WDR53: variants seen among roughly 807,000 people sequenced by gnomAD.
The protein encoded by WDR53 is WD repeat domain 53, also known as WD repeat-containing protein 53.
In WDR53, 19 loss-of-function variants were observed where a neutral mutation model predicts 21.3. The ratio of observed to expected loss-of-function variants is 0.89; its 90% CI spans 0.62 to 1.31. WDR53 has a LOEUF of 1.31. Among genes scored for constraint, WDR53 ranks in the 50% most tolerant of loss-of-function variants. The pLI is 0.00. For missense variants in WDR53, 374 were observed against 423.2 expected (o/e 0.88, Z 1.02); for synonymous variants, 157 against 163.4 (o/e 0.96, Z 0.30).
chr3:196,560,081 T>A (rs1033020297), intron 3 of WDR53, among the ~76,000 whole-genome samples: 2 of 152,182 alleles, frequency 1.3e-5, no homozygotes, highest in Non-Finnish European at 2.9e-5. Flanking sequence ...CCAAATCTGC[T>A]TTCCCATGAC....
chr3:196,561,164 T>C lies in WDR53; in HGVS notation c.312A>G (p.Gln104=), dbSNP rs755315174. ...CAGCAGAAGCCAGCAGGTTTTCCGTTTGATTCAATGAAAGACAATTGATTT... is the reference window on the plus strand; with the variant it reads ...CAGCAGAAGCCAGCAGGTTTTCCGTCTGATTCAATGAAAGACAATTGATTT... ...EEEINCLSLN[Q]TENLLASADD... is the part of the protein sequence containing the mutation. Residue 104 remains glutamine, a synonymous_variant, in exon 3 of 4, where the codon CAA becomes CAG. Coordinates refer to ENST00000332629, the MANE Select transcript of WDR53 (RefSeq NM_182627.3). 5 of 1,614,236 alleles carry C rather than the reference T, an allele frequency of 3.1e-6. No homozygotes were observed. Among genetic ancestry groups the C allele is most frequent in the Admixed American group, 1.7e-5 (1 of 60,030 alleles).
At chr3:196,563,291 C>T (rs12152396) in intron 2 of WDR53, among the ~76,000 whole-genome samples, 1 of 152,164 alleles carries the variant, frequency 6.6e-6, no homozygotes, top group Admixed American at 6.5e-5. Flanking sequence ...GGAAATGCCA[C>T]ATAATACCGG....
rs544171331 is a variant in WDR53 at position 196,568,533 on chromosome 3, C to T, written c.-462G>A. 2.0e-5 allele frequency: 3 copies of T among 152,590 alleles called. No homozygotes were observed. In the East Asian group the frequency reaches 5.8e-4, roughly 29 times the overall value. 9.5% of individuals were successfully genotyped at this position (152,590 alleles called of 1,614,324 possible). A position where few individuals can be genotyped will look rare whatever the true frequency, so the allele number is the denominator to read the frequency against. On this transcript the variant is annotated 5_prime_UTR_variant, in exon 1 of 4. Coordinates refer to ENST00000332629, the MANE Select transcript of WDR53 (RefSeq NM_182627.3). ...CAGCCTCATACCTGCGCTTCCCGCT[C>T]CCCTCCTCGGCGCCTAGTGATAACC...
chr3:196,556,726 C>G (rs1734354609), intron 3 of WDR53, among the ~76,000 whole-genome samples: 1 of 151,892 alleles, frequency 6.6e-6, no homozygotes, highest in African/African-American at 2.4e-5. Context: ...GCTAGCTTCA[C>G]TGTATTGGCA....
Position 196,560,988 on chromosome 3 carries a change from A to T in WDR53, c.480+8T>A. 4 of 1,604,770 alleles carry T rather than the reference A, an allele frequency of 2.5e-6. No individual in the cohort carries two copies. Among genetic ancestry groups the T allele is most frequent in the Non-Finnish European group, 3.4e-6 (4 of 1,175,346 alleles). ...AAATTCCCCAAGTACTCTGTGCAAA[A>T]GCATCACCTGCATATCCAGTCCACA... is the stretch of plus-strand genomic sequence containing the variant. On this transcript the variant is annotated splice_region_variant and intron_variant, in intron 3 of 3. Transcript: ENST00000332629.
chr3:196,562,089 G>A (rs1027864311), intron 2 of WDR53, among the ~76,000 whole-genome samples: 1 of 152,108 alleles, frequency 6.6e-6, no homozygotes, highest in Non-Finnish European at 1.5e-5. Context: ...TTATTAGGCC[G>A]GTGCAAAGCG....
intron 2 of WDR53, among the ~76,000 whole-genome samples, chr3:196,561,978 A>C (rs562137922): frequency 1.3e-5 from 2 of 152,312 alleles, no homozygotes; most frequent in South Asian, 4.1e-4. Context: ...GATAATAATG[A>C]CACTCATTTC....
chr3:196,555,568 A>G (rs958149790), intron 3 of WDR53, among the ~76,000 whole-genome samples: 3 of 152,150 alleles, frequency 2.0e-5, no homozygotes, highest in Non-Finnish European at 4.4e-5. Flanking sequence ...TGGGTTTTAC[A>G]TTATCATCTA....
At chr3:196,558,422 G>A (rs1259993929) in intron 3 of WDR53, among the ~76,000 whole-genome samples, 1 of 152,026 alleles carries the variant, frequency 6.6e-6, no homozygotes. Flanking sequence ...GTCCAGGCTG[G>A]TCTCGAACTC....
chr3:196,557,717 G>A (rs1312091787), intron 3 of WDR53, among the ~76,000 whole-genome samples: 1 of 151,788 alleles, frequency 6.6e-6, no homozygotes, highest in African/African-American at 2.4e-5. Context: ...AATTTTCTAA[G>A]TCTTTCAAGA....
rs952898129 is a variant in WDR53, at chr3:196,568,464, ACAGCATCGAAGTCACCGGAAAG to A, written c.-448+33_-448+54del. 6 of 153,102 alleles carry A rather than the reference ACAGCATCGAAGTCACCGGAAAG, an allele frequency of 3.9e-5. No individual in the cohort carries two copies. The South Asian group carries it at 6.2e-4, about 16-fold the overall frequency. 9.5% of individuals were successfully genotyped at this position (153,102 alleles called of 1,614,324 possible). The stretch of plus-strand genomic sequence containing the variant: ...CAGAAAAAGGAAAAAGCACTGGAAA[ACAGCATCGAAGTCACCGGAAAG>A]CAGCATCGAAGCCACCGGCGCCAGC... On this transcript the variant is annotated intron_variant, in intron 1 of 3. Coordinates refer to ENST00000332629, the MANE Select transcript of WDR53 (RefSeq NM_182627.3).
chr3:196,558,028 T>C (rs923841318), intron 3 of WDR53, among the ~76,000 whole-genome samples: 8 of 152,078 alleles, frequency 5.3e-5, no homozygotes, highest in African/African-American at 1.9e-4. Context: ...CCACCTGCCA[T>C]GGCCTCCCAA....
chr3:196,563,015 AT>A lies in WDR53; in HGVS notation c.-16-1525del, dbSNP rs202012616. Among the ~76,000 whole-genome samples the A allele has an allele frequency of 5.5e-3, 828 of 151,412 alleles. 6 individuals are homozygous for A. The highest frequency in any genetic ancestry group is 8.9e-3 in the Non-Finnish European group (605 of 67,792). On this transcript the variant is annotated intron_variant, in intron 2 of 3. Coordinates refer to ENST00000332629, the MANE Select transcript of WDR53 (RefSeq NM_182627.3). ...GCCTGGCTAATTTTTATTTTATTAAATTTTTTTTTGCAAAGTCGGGGTCTCC... is the reference window on the plus strand; with the variant it reads ...GCCTGGCTAATTTTTATTTTATTAAATTTTTTTTGCAAAGTCGGGGTCTCC...
At chr3:196,559,784 T>C (rs1355533) in intron 3 of WDR53, among the ~76,000 whole-genome samples, 78,205 of 151,932 alleles carry the variant, frequency 0.51, 20,956 homozygotes, top group Middle Eastern at 0.72. Context: ...ACCTGTCATC[T>C]TAGAGAAAAA....
At chr3:196,567,862 G>A (rs1364973426) in intron 1 of WDR53, among the ~76,000 whole-genome samples, 2 of 151,680 alleles carry the variant, frequency 1.3e-5, no homozygotes, top group African/African-American at 2.4e-5. Flanking sequence ...TCGACCTCCC[G>A]GGCTCAGCCT....
At chr3:196,557,388 T>TA (rs1393139933) in intron 3 of WDR53, among the ~76,000 whole-genome samples, 9 of 151,732 alleles carry the variant, frequency 5.9e-5, no homozygotes, top group African/African-American at 7.2e-5. Flanking sequence ...GCAGCAAAAA[T>TA]AAAAAAAATT....
chr3:196,560,368 A>G (rs1462615827), intron 3 of WDR53, among the ~76,000 whole-genome samples: 3 of 151,952 alleles, frequency 2.0e-5, no homozygotes, highest in African/African-American at 7.3e-5. Context: ...CAGCCTCCCA[A>G]GTAGCTGGGA....
At chr3:196,564,895 G>A (rs1277001664) in intron 2 of WDR53, among the ~76,000 whole-genome samples, 2 of 152,114 alleles carry the variant, frequency 1.3e-5, no homozygotes, top group Non-Finnish European at 2.9e-5. Context: ...TCTACCCACA[G>A]GAGAGCCAAA....
At chr3:196,559,106 G>C (rs1163606185) in intron 3 of WDR53, among the ~76,000 whole-genome samples, 1 of 152,242 alleles carries the variant, frequency 6.6e-6, no homozygotes, top group Non-Finnish European at 1.5e-5. Flanking sequence ...GCCATGCCTA[G>C]TGGTTAATGA....
Sources: allele counts gnomAD v4.1 joint callset (sites outside exome capture counted in the v4.1 genomes callset), GRCh38; gene constraint gnomAD v4.1.1; transcripts MANE v1.5; gene names NCBI Gene and HGNC (gene_info 2026-07-23, HGNC 2026-07-21).